SH3PXD2A: variants seen among roughly 807,000 people sequenced by gnomAD.
SH3PXD2A encodes SH3 and PX domain-containing protein 2A.
A neutral mutation model predicts 115.2 loss-of-function variants in SH3PXD2A; 32 were observed. That is an observed-to-expected ratio of 0.28 (90% CI 0.21 to 0.37). SH3PXD2A has a LOEUF of 0.37. Among genes scored for constraint, SH3PXD2A ranks in the 10% least tolerant of loss-of-function variants. The probability of loss-of-function intolerance (pLI) is 1.00; values close to 1 mark genes in which losing one functional copy is unlikely to be tolerated. For missense variants in SH3PXD2A, 1,328 were observed against 1,498.7 expected, an observed-to-expected ratio of 0.89 and a Z score of 1.88; for synonymous variants, 610 against 629.1, an observed-to-expected ratio of 0.97 and a Z score of 0.45.
intron 5 of SH3PXD2A, among the ~76,000 whole-genome samples, chr10:103,705,304 C>T (rs1042117894): frequency 3.3e-5 from 5 of 152,148 alleles, no homozygotes; most frequent in African/African-American, 4.8e-5. Context: ...GAAGGGCGGG[C>T]GTGGGCCAGG....
At chr10:103,617,355 G>A (rs781258648) in intron 10 of SH3PXD2A, 41 bp from the exon 11 acceptor site, 249 of 1,425,930 alleles carry the variant, frequency 1.7e-4, no homozygotes, top group African/African-American at 2.5e-4. Context: ...TTGAGGTCGG[G>A]GTGCAGGTCC....
At chr10:103,775,631 T>C (rs995333780) in intron 2 of SH3PXD2A, among the ~76,000 whole-genome samples, 9 of 152,292 alleles carry the variant, frequency 5.9e-5, no homozygotes, top group African/African-American at 2.2e-4. Flanking sequence ...TGATTTGCCT[T>C]GCTCACGGAT....
At chr10:103,844,742 A>G (rs1274949650) in intron 1 of SH3PXD2A, among the ~76,000 whole-genome samples, 1 of 152,204 alleles carries the variant, frequency 6.6e-6, no homozygotes, top group African/African-American at 2.4e-5. Flanking sequence ...TCCAAACCTC[A>G]GGTTCCATAT....
In SH3PXD2A at chr10:103,820,677, G is replaced by A. The variant is rs985889995; in HGVS notation, c.73-19315C>T. Among the ~76,000 whole-genome samples, 7 of 152,188 alleles carry A rather than the reference G, an allele frequency of 4.6e-5. No homozygotes were observed. The East Asian group carries it at 7.8e-4, about 17-fold the overall frequency. On this transcript the variant is annotated intron_variant, in intron 1 of 14. Transcript: ENST00000369774. ...CACCCAGGCCCATGCAGGGAAAGGCGTGAGCTATAGATTCCAGCCCTCCCA... is the reference window on the plus strand; with the variant it reads ...CACCCAGGCCCATGCAGGGAAAGGCATGAGCTATAGATTCCAGCCCTCCCA...
At chr10:103,631,441 G>T (rs1335128621) in intron 8 of SH3PXD2A, among the ~76,000 whole-genome samples, 1 of 152,180 alleles carries the variant, frequency 6.6e-6, no homozygotes, top group African/African-American at 2.4e-5. Flanking sequence ...GTTAACCTCA[G>T]GTAGCTGAAA....
At chr10:103,753,605 G>A (rs2038605953) in intron 3 of SH3PXD2A, among the ~76,000 whole-genome samples, 1 of 152,000 alleles carries the variant, frequency 6.6e-6, no homozygotes, top group Admixed American at 6.6e-5. Context: ...GTGGCCTTGG[G>A]TAAGTCATGC....
At chr10:103,611,494 T>C in intron 13 of SH3PXD2A, 87 bp downstream of exon 13, 1 of 1,242,712 alleles carries the variant, frequency 8.0e-7, no homozygotes, top group Non-Finnish European at 1.2e-6. Flanking sequence ...ATCAAGAGGC[T>C]CTGCCGCAAG....
intron 1 of SH3PXD2A, among the ~76,000 whole-genome samples, chr10:103,822,412 A>C (rs1415275601): frequency 2.0e-5 from 3 of 152,258 alleles, no homozygotes; most frequent in Non-Finnish European, 4.4e-5. Context: ...TGGAGCTCTC[A>C]CACAGCTGCA....
chr10:103,837,315 A>G (rs1564901112), intron 1 of SH3PXD2A, among the ~76,000 whole-genome samples: 1 of 152,164 alleles, frequency 6.6e-6, no homozygotes, highest in Non-Finnish European at 1.5e-5. Context: ...AGTCCCAGAC[A>G]GAGGTTTTCA....
chr10:103,797,909 C>A (rs1490837021), intron 2 of SH3PXD2A, among the ~76,000 whole-genome samples: 2 of 152,094 alleles, frequency 1.3e-5, no homozygotes, highest in African/African-American at 4.8e-5. Context: ...CCTGTGTGCT[C>A]CCAGAGGGAG....
intron 5 of SH3PXD2A, among the ~76,000 whole-genome samples, chr10:103,712,711 C>T (rs2038060531): frequency 6.6e-6 from 1 of 152,244 alleles, no homozygotes; most frequent in South Asian, 2.1e-4. Context: ...CTACCTTCAG[C>T]CCCCGTGGTG....
At chr10:103,686,904 G>A (rs1267961705) in intron 6 of SH3PXD2A, among the ~76,000 whole-genome samples, 4 of 151,900 alleles carry the variant, frequency 2.6e-5, no homozygotes, top group Admixed American at 1.3e-4. Context: ...CCGCCACCAC[G>A]TCCAGCTAAT....
intron 1 of SH3PXD2A, among the ~76,000 whole-genome samples, chr10:103,853,452 C>T (rs1315191734): frequency 3.9e-5 from 6 of 152,352 alleles, no homozygotes; most frequent in African/African-American, 1.2e-4. Flanking sequence ...ATTATCCTTA[C>T]TTGAAATTGA....
rs553262533 is a variant in SH3PXD2A at position 103,633,200 on chromosome 10, G to C, written c.605-5998C>G. ...TGGGATCCAGGCAGACGGATTGCTT[G>C]AGGCCAGGAATTTGAGACCAGCCTG... On this transcript the variant is annotated intron_variant, in intron 8 of 14. Coordinates refer to ENST00000369774, the MANE Select transcript of SH3PXD2A (RefSeq NM_001394015.1). Among the ~76,000 whole-genome samples, 302 of 152,240 alleles carry C rather than the reference G, an allele frequency of 2.0e-3. 1 individual carries two copies. The highest frequency in any genetic ancestry group is 3.9e-3 in the Non-Finnish European group (264 of 68,022).
chr10:103,701,382 A>G, intron 5 of SH3PXD2A, among the ~76,000 whole-genome samples: 1 of 126,290 alleles, frequency 7.9e-6, no homozygotes, highest in South Asian at 2.7e-4. Flanking sequence ...TCATCCATCC[A>G]TCATCCATCC....
chr10:103,702,686 C>T (rs968720775), intron 5 of SH3PXD2A, among the ~76,000 whole-genome samples: 1 of 151,560 alleles, frequency 6.6e-6, no homozygotes, highest in Non-Finnish European at 1.5e-5. Context: ...CTGGACTGAG[C>T]CCCAGAGGAA....
At chr10:103,798,556 A>G (rs2134261009) in intron 2 of SH3PXD2A, among the ~76,000 whole-genome samples, 1 of 152,300 alleles carries the variant, frequency 6.6e-6, no homozygotes, top group Middle Eastern at 3.4e-3. Flanking sequence ...TTTCCTGGGG[A>G]GAGGGCTTCC....
Position 103,602,032 on chromosome 10 carries a change from G to A in SH3PXD2A, c.3186C>T (p.Pro1062=), listed in dbSNP as rs1434200935. The change falls in exon 15 of 15, where the codon CCC becomes CCT. Residue 1062 remains proline (P), a synonymous_variant. Coordinates refer to ENST00000369774, the MANE Select transcript of SH3PXD2A (RefSeq NM_001394015.1). The part of the protein sequence containing the change: ...SIPVSPVRPK[P]IEKSQFIHNN... ...TGTGGATGAACTGAGACTTCTCGAT[G>A]GGCTTGGGGCGCACAGGGGACACGG... 2 of 1,611,942 alleles carry A rather than the reference G, an allele frequency of 1.2e-6. No individual in the cohort carries two copies. Among genetic ancestry groups the A allele is most frequent in the South Asian group, 2.2e-5 (2 of 90,670 alleles).
At chr10:103,718,447 C>A (rs1254150710) in intron 5 of SH3PXD2A, among the ~76,000 whole-genome samples, 1 of 152,124 alleles carries the variant, frequency 6.6e-6, no homozygotes, top group African/African-American at 2.4e-5. Flanking sequence ...TCTTGCCCAC[C>A]CCTGCCCATT....
Sources: allele counts gnomAD v4.1 joint callset (sites outside exome capture counted in the v4.1 genomes callset), GRCh38; gene constraint gnomAD v4.1.1; transcripts MANE v1.5; gene names NCBI Gene and HGNC (gene_info 2026-07-23, HGNC 2026-07-21).